Variants in EPHA5 observed in about 807,000 individuals in gnomAD.
The protein encoded by EPHA5 is ephrin type-A receptor 5.
Under a neutral mutation model 105.0 loss-of-function variants are expected in EPHA5, and 60 were observed. The ratio of observed to expected loss-of-function variants is 0.57; its 90% CI spans 0.46 to 0.71. EPHA5 has a LOEUF of 0.71. Among genes scored for constraint, EPHA5 ranks in the 30% least tolerant of loss-of-function variants. The pLI, the probability that EPHA5 is intolerant of heterozygous loss-of-function variation, is 0.00. For missense variants in EPHA5, 1,218 were observed against 1,274.7 expected, an observed-to-expected ratio of 0.96 and a Z score of 0.68; for synonymous variants, 513 against 449.1, an observed-to-expected ratio of 1.14 and a Z score of -1.80.
intron 3 of EPHA5, among the ~76,000 whole-genome samples, chr4:65,507,455 G>T (rs1733157216): frequency 1.3e-5 from 2 of 152,076 alleles, no homozygotes; most frequent in African/African-American, 4.8e-5. Flanking sequence ...AATTACCTTG[G>T]GCAGTATGGC....
At chr4:65,482,748 G>A (rs939228533) in intron 5 of EPHA5, among the ~76,000 whole-genome samples, 1 of 151,842 alleles carries the variant, frequency 6.6e-6, no homozygotes, top group Admixed American at 6.6e-5. Context: ...GAGAAACATG[G>A]TTACTCTTGA....
chr4:65,496,218 T>C (rs6551931), intron 3 of EPHA5, among the ~76,000 whole-genome samples: 141,838 of 152,202 alleles, frequency 0.93, 66,355 homozygotes, highest in Middle Eastern at 0.99. Context: ...ATTTCTTAAG[T>C]TCAAACATTA....
intron 3 of EPHA5, among the ~76,000 whole-genome samples, chr4:65,545,658 T>C (rs377159964): frequency 1.3e-5 from 2 of 151,932 alleles, no homozygotes; most frequent in African/African-American, 4.8e-5. Flanking sequence ...GAGAACAAGA[T>C]AAAAATGGAA....
At chr4:65,583,066 G>T (rs1261547768) in intron 3 of EPHA5, among the ~76,000 whole-genome samples, 1 of 151,592 alleles carries the variant, frequency 6.6e-6, no homozygotes, top group Non-Finnish European at 1.5e-5. Context: ...TTACTTGCAA[G>T]TGTACACAGT....
intron 14 of EPHA5, among the ~76,000 whole-genome samples, chr4:65,347,430 G>T (rs532738711): frequency 6.6e-6 from 1 of 152,218 alleles, no homozygotes; most frequent in Non-Finnish European, 1.5e-5. Context: ...AAAGATTAAA[G>T]AGCCATGTGT....
At chr4:65,554,878 A>G (rs1320767361) in intron 3 of EPHA5, among the ~76,000 whole-genome samples, 1 of 151,072 alleles carries the variant, frequency 6.6e-6, no homozygotes, top group Admixed American at 6.7e-5. Flanking sequence ...CATTATTCAT[A>G]ATCCATAAAA....
At chr4:65,606,404 G>A (rs1744233441) in intron 2 of EPHA5, among the ~76,000 whole-genome samples, 1 of 152,114 alleles carries the variant, frequency 6.6e-6, no homozygotes. Context: ...ATAGTTAAAT[G>A]TTTTGTGCTA....
chr4:65,669,656 G>A lies in EPHA5; in HGVS notation c.87C>T (p.Ala29=), dbSNP rs1750286803. ...GDTPITPASL[A]GCYSAPRRAP... ...CCCGTCGAGGTGCAGAGTAGCAGCC[G>A]GCCAGGGACGCTGGGGTGATGGGGG... The change falls in exon 1 of 17, where the codon GCC becomes GCT. Residue 29 remains alanine (A), a synonymous_variant. Coordinates refer to ENST00000613740, the MANE Select transcript of EPHA5 (RefSeq NM_001281766.3). The A allele has an allele frequency of 1.5e-6, 2 of 1,377,992 alleles. No homozygotes were observed. Among genetic ancestry groups the A allele is most frequent in the South Asian group, 1.9e-5 (1 of 52,018 alleles). 85.4% of individuals were successfully genotyped at this position (1,377,992 alleles called of 1,614,324 possible).
intron 3 of EPHA5, among the ~76,000 whole-genome samples, chr4:65,587,367 C>A (rs1257084027): frequency 6.6e-6 from 1 of 151,954 alleles, no homozygotes; most frequent in Non-Finnish European, 1.5e-5. Context: ...ACAAACAAAA[C>A]AAAACTTGAA....
Position 65,670,259 on chromosome 4 carries a change from A to C in EPHA5, c.-517T>G. ...AAATGTGGAGAATGAAAAACAGGAG[A>C]GCAGCGAGCAAAAGCAAAGATCCAG... On this transcript the variant is annotated 5_prime_UTR_variant, in exon 1 of 17. Transcript: ENST00000613740. The C allele has an allele frequency of 4.3e-6, 1 of 234,096 alleles. No individual in the cohort carries two copies. The highest frequency in any genetic ancestry group is 8.4e-6 in the Non-Finnish European group (1 of 118,670). 14.5% of individuals were successfully genotyped at this position (234,096 alleles called of 1,614,324 possible).
intron 7 of EPHA5, among the ~76,000 whole-genome samples, chr4:65,412,238 T>C (rs1171321311): frequency 6.6e-6 from 1 of 152,018 alleles, no homozygotes; most frequent in Admixed American, 6.6e-5. Context: ...TATAAATAAA[T>C]AAACAAGCAA....
chr4:65,585,153 C>T (rs968316683), intron 3 of EPHA5, among the ~76,000 whole-genome samples: 6 of 98,228 alleles, frequency 6.1e-5, no homozygotes, highest in Non-Finnish European at 1.5e-4. Context: ...TGTCTGTGTC[C>T]AGATCCAATT....
At chr4:65,371,400 C>A (rs1718455815) in intron 8 of EPHA5, among the ~76,000 whole-genome samples, 1 of 151,904 alleles carries the variant, frequency 6.6e-6, no homozygotes, top group Non-Finnish European at 1.5e-5. Context: ...AGAAATCAAC[C>A]CATTTTCTCC....
intron 3 of EPHA5, among the ~76,000 whole-genome samples, chr4:65,512,863 CCTAA>C (rs1055780554): frequency 3.5e-4 from 53 of 152,142 alleles, no homozygotes; most frequent in African/African-American, 1.2e-3. Context: ...AATGAATACA[CCTAA>C]CTGTCAAAAT....
At chr4:65,454,979 CT>C (rs1233680872) in intron 5 of EPHA5, among the ~76,000 whole-genome samples, 2 of 152,118 alleles carry the variant, frequency 1.3e-5, no homozygotes, top group East Asian at 3.9e-4. Flanking sequence ...GGCACGGTGG[CT>C]CACGCCTGTA....
At chr4:65,424,669 C>T (rs1385401865) in intron 5 of EPHA5, among the ~76,000 whole-genome samples, 1 of 152,010 alleles carries the variant, frequency 6.6e-6, no homozygotes, top group Non-Finnish European at 1.5e-5. Flanking sequence ...CGCTTCTTCT[C>T]TGAACTTGGC....
intron 3 of EPHA5, among the ~76,000 whole-genome samples, chr4:65,507,995 C>A (rs73223850): frequency 0.15 from 23,290 of 151,896 alleles, 1,890 homozygotes; most frequent in East Asian, 0.2. Context: ...AATATCATGA[C>A]CCTTAGGCTC....
chr4:65,667,685 C>T (rs1350229703), intron 1 of EPHA5, among the ~76,000 whole-genome samples: 1 of 152,144 alleles, frequency 6.6e-6, no homozygotes, highest in Non-Finnish European at 1.5e-5. Context: ...CCTGCACAGT[C>T]TTGGCTCTTG....
chr4:65,512,066 G>C (rs947583062), intron 3 of EPHA5, among the ~76,000 whole-genome samples: 76 of 152,234 alleles, frequency 5.0e-4, no homozygotes, highest in Non-Finnish European at 1.6e-4. Flanking sequence ...TGCTATAAGA[G>C]GTTTTTAAGA....
Sources: allele counts gnomAD v4.1 joint callset (sites outside exome capture counted in the v4.1 genomes callset), GRCh38; gene constraint gnomAD v4.1.1; transcripts MANE v1.5; gene names NCBI Gene and HGNC (gene_info 2026-07-23, HGNC 2026-07-21).